Variants in DKKL1 observed in about 807,000 individuals in gnomAD.
DKKL1 encodes the protein dickkopf-like protein 1.
A neutral mutation model predicts 16.5 loss-of-function variants in DKKL1; 11 were observed. The ratio of observed to expected loss-of-function variants is 0.67; its 90% CI spans 0.42 to 1.10. The LOEUF is 1.10. DKKL1 is among the 50% of genes least tolerant of loss of function. The probability of loss-of-function intolerance (pLI) is 0.00; values close to 1 mark genes in which losing one functional copy is unlikely to be tolerated. For synonymous variants in DKKL1, 119 were observed against 133.2 expected, an observed-to-expected ratio of 0.89 and a Z score of 0.73; for missense variants, 320 against 308.1, an observed-to-expected ratio of 1.04 and a Z score of -0.29.
At chr19:49,371,319 G>A (rs1457728913) in intron 4 of DKKL1, among the ~76,000 whole-genome samples, 8 of 152,168 alleles carry the variant, frequency 5.3e-5, no homozygotes, top group Admixed American at 2.6e-4. Context: ...CATCTGGACC[G>A]TGAGAGTTTT....
chr19:49,373,117 A>G (rs912588151), intron 4 of DKKL1, among the ~76,000 whole-genome samples: 1 of 152,126 alleles, frequency 6.6e-6, no homozygotes, highest in African/African-American at 2.4e-5. Flanking sequence ...CAACCTGGCC[A>G]ACATGGTGAA....
In DKKL1 at chr19:49,365,528, T is replaced by A. The variant is rs767376449; in HGVS notation, c.203T>A (p.Ile68Lys). The A allele has an allele frequency of 6.2e-7, 1 of 1,611,398 alleles. No homozygotes were observed. Among genetic ancestry groups the A allele is most frequent in the East Asian group, 2.2e-5 (1 of 44,840 alleles). ...CCCCAGGGTAACCTGCTTCGGGGCA[T>A]AGACAGCTTATTCTCTGCCCCCATG... ...LFLKGNLLRG[I>K]DSLFSAPMDF... Residue 68 changes from isoleucine to lysine, a missense_variant, in exon 3 of 5, where the codon ATA (isoleucine) becomes AAA (lysine). By Grantham distance (102) the Ile-to-Lys change is moderately radical. Transcript: ENST00000221498.
At chr19:49,365,093 G>A (rs1454939380) in intron 2 of DKKL1, among the ~76,000 whole-genome samples, 2 of 152,180 alleles carry the variant, frequency 1.3e-5, no homozygotes, top group African/African-American at 4.8e-5. Context: ...TTGAGCCCAG[G>A]AGGTCGAGGC....
Position 49,374,804 on chromosome 19 carries a change from T to C in DKKL1, c.505T>C (p.Phe169Leu). 6.2e-7 allele frequency: 1 copy of C among 1,613,170 alleles called. No homozygotes were observed. Among genetic ancestry groups the C allele is most frequent in the South Asian group, 1.1e-5 (1 of 90,906 alleles). Residue 169 changes from phenylalanine (F) to leucine (L), a missense_variant, in exon 5 of 5, where the codon TTC becomes CTC. By Grantham distance (22) the Phe-to-Leu change is conservative (BLOSUM62 0). Transcript: ENST00000221498. ...CACAGAACTCCATCCCCGGGTGGCCTTCTGGATCATTAAGCTGCCACGGCG... is the reference window on the plus strand; with the variant it reads ...CACAGAACTCCATCCCCGGGTGGCCCTCTGGATCATTAAGCTGCCACGGCG... ...FHTELHPRVA[F>L]WIIKLPRRRS...
chr19:49,371,625 G>GT (rs146372966), intron 4 of DKKL1, among the ~76,000 whole-genome samples: 4,568 of 150,976 alleles, frequency 0.03, 233 homozygotes, highest in African/African-American at 0.11. Context: ...GTATTTTTAT[G>GT]TTTTTTTAAA....
Position 49,374,920 on chromosome 19 carries a change from G to A in DKKL1, c.621G>A (p.Gly207=), listed in dbSNP as rs986718819. The change falls in exon 5 of 5, where the codon GGG becomes GGA. Residue 207 remains glycine, a synonymous_variant. Coordinates refer to ENST00000221498, the MANE Select transcript of DKKL1 (RefSeq NM_014419.4). ...CCATCCGGGATGGACTCCGCAAGGG[G>A]ACCCACAAGGACGTCCTAGAAGAGG... ...LQAIRDGLRK[G]THKDVLEEGT... The A allele has an allele frequency of 6.2e-7, 1 of 1,613,978 alleles. No homozygotes were observed. The highest frequency in any genetic ancestry group is 8.5e-7 in the Non-Finnish European group (1 of 1,179,952).
upstream of DKKL1, chr19:49,363,710 T>A: frequency 2.0e-6 from 1 of 496,488 alleles, no homozygotes; most frequent in Non-Finnish European, 3.7e-6. Context: ...AACTCACGGC[T>A]CTGGCTTAAG....
At chr19:49,370,956 AG>A (rs1224985506) in intron 4 of DKKL1, 1 of 152,232 alleles carries the variant, frequency 6.6e-6, no homozygotes, top group Admixed American at 6.5e-5. Context: ...TCACCGTGAA[AG>A]GCATCAAGAA....
rs770467536 is a variant in DKKL1, at chr19:49,374,844, A to G, written c.545A>G (p.Asp182Gly). 3.1e-6 allele frequency: 5 copies of G among 1,613,748 alleles called. No individual in the cohort carries two copies. Among genetic ancestry groups the G allele is most frequent in the Non-Finnish European group, 3.4e-6 (4 of 1,179,902 alleles). ...IKLPRRRSHQ[D>G]ALEGGHWLSE... ...CTGCCACGGCGGAGGTCCCACCAGG[A>G]TGCCCTGGAGGGCGGCCACTGGCTC... The change falls in exon 5 of 5, where the codon GAT (aspartate) becomes GGT (glycine). Residue 182 changes from aspartate (D) to glycine (G), a missense_variant. Transcript: ENST00000221498.
chr19:49,368,331 C>G (rs1973340136), intron 4 of DKKL1, among the ~76,000 whole-genome samples: 1 of 140,888 alleles, frequency 7.1e-6, no homozygotes, highest in Non-Finnish European at 1.5e-5. Flanking sequence ...AAAAAAAAAT[C>G]AAAAAAGTAG....
chr19:49,362,101 C>T (rs1184175363), upstream of DKKL1, among the ~76,000 whole-genome samples: 1 of 152,184 alleles, frequency 6.6e-6, no homozygotes, highest in Non-Finnish European at 1.5e-5. Flanking sequence ...AGACGCACGC[C>T]CCACACCCCG....
chr19:49,360,922 G>A (rs1600806619), upstream of DKKL1, among the ~76,000 whole-genome samples: 1 of 127,134 alleles, frequency 7.9e-6, no homozygotes, highest in African/African-American at 3.1e-5. Context: ...AGAGAGAAGG[G>A]GACAGAGACC....
intron 4 of DKKL1, among the ~76,000 whole-genome samples, chr19:49,368,500 T>C (rs1973348163): frequency 6.6e-6 from 1 of 151,442 alleles, no homozygotes; most frequent in Non-Finnish European, 1.5e-5. Context: ...AATAAATAAA[T>C]AAATAAATAA....
At chr19:49,370,984 G>A (rs1352882712) in intron 4 of DKKL1, 1 of 152,218 alleles carries the variant, frequency 6.6e-6, no homozygotes, top group East Asian at 1.9e-4. Flanking sequence ...TGGCTCTGAG[G>A]ACAGCTTTTC....
chr19:49,371,626 T>C (rs1351521319), intron 4 of DKKL1, among the ~76,000 whole-genome samples: 1 of 142,240 alleles, frequency 7.0e-6, no homozygotes, highest in East Asian at 1.9e-4. Context: ...TATTTTTATG[T>C]TTTTTTAAAT....
In DKKL1 at chr19:49,374,882, C is replaced by A. The variant is rs1973664798; in HGVS notation, c.583C>A (p.His195Asn). Reference sequence around the variant, plus strand: ...CGGCCACTGGCTCAGCGAGAAGCGACACCGCCTGCAGGCCATCCGGGATGG... The same window carrying A: ...CGGCCACTGGCTCAGCGAGAAGCGAAACCGCCTGCAGGCCATCCGGGATGG... ...EGGHWLSEKR[H>N]RLQAIRDGLR... Residue 195 changes from histidine (H) to asparagine (N), a missense_variant, in exon 5 of 5, where the codon CAC becomes AAC. Coordinates refer to ENST00000221498, the MANE Select transcript of DKKL1 (RefSeq NM_014419.4). 6.2e-7 allele frequency: 1 copy of A among 1,614,048 alleles called. No individual in the cohort carries two copies. Among genetic ancestry groups the A allele is most frequent in the Non-Finnish European group, 8.5e-7 (1 of 1,179,972 alleles).
chr19:49,365,577 C>T lies in DKKL1; in HGVS notation c.252C>T (p.Asn84=). The T allele has an allele frequency of 6.2e-7, 1 of 1,613,988 alleles. No homozygotes were observed. Among genetic ancestry groups the T allele is most frequent in the South Asian group, 1.1e-5 (1 of 91,030 alleles). Residue 84 remains asparagine (N), a synonymous_variant, in exon 3 of 5, where the codon AAC becomes AAT. Transcript: ENST00000221498. ...APMDFRGLPG[N]YHKEENQEHQ... ...TGGACTTCCGGGGCCTCCCTGGGAA[C>T]TACCACAAAGAGGAGAACCAGGAGC...
chr19:49,365,385 GAAAGT>G (rs1973208738), intron 2 of DKKL1, 119 bp from the exon 3 acceptor site: 1 of 1,229,618 alleles, frequency 8.1e-7, no homozygotes, highest in East Asian at 2.6e-5. Flanking sequence ...TCAGAGGGCA[GAAAGT>G]AAAGGGGATG....
At chr19:49,365,739 G>C in intron 3 of DKKL1, 54 bp from the exon 4 acceptor site, 2 of 1,603,202 alleles carry the variant, frequency 1.2e-6, no homozygotes, top group South Asian at 1.1e-5. Flanking sequence ...GGGAGGGAAG[G>C]AGGGCGGAGG....
Sources: allele counts gnomAD v4.1 joint callset (sites outside exome capture counted in the v4.1 genomes callset), GRCh38; gene constraint gnomAD v4.1.1; transcripts MANE v1.5; gene names NCBI Gene and HGNC (gene_info 2026-07-23, HGNC 2026-07-21).